Variants in LAMC1 observed in about 807,000 individuals in gnomAD.
The protein encoded by LAMC1 is laminin subunit gamma-1.
In LAMC1, 38 loss-of-function variants were observed where a neutral mutation model predicts 173.6. That is an observed-to-expected ratio of 0.22 (90% confidence interval 0.17 to 0.29). The LOEUF (loss-of-function observed/expected upper bound fraction) is 0.29. Ranked by LOEUF, LAMC1 falls within the 10% of genes least tolerant of loss-of-function variation. The probability of loss-of-function intolerance (pLI) is 1.00; values close to 1 mark genes in which losing one functional copy is unlikely to be tolerated. For missense variants in LAMC1, 1,824 were observed against 2,051.8 expected, an observed-to-expected ratio of 0.89 and a Z score of 2.14; for synonymous variants, 746 against 749.1, an observed-to-expected ratio of 1.00 and a Z score of 0.07.
In LAMC1 at chr1:183,122,170, C is replaced by G; in HGVS notation, c.2320C>G (p.Pro774Ala). 4.3e-6 allele frequency: 7 copies of G among 1,614,192 alleles called. No homozygotes were observed. Among genetic ancestry groups the G allele is most frequent in the Non-Finnish European group, 5.9e-6 (7 of 1,180,036 alleles). ...AGTSSDCQPC[P>A]CPGGSSCAVV... is the part of the protein sequence containing the mutation. Reference sequence around the variant, plus strand: ...CACCTCCTCCGATTGCCAACCCTGTCCGTGTCCTGGAGGTTCAAGTTGTGC... The same window carrying G: ...CACCTCCTCCGATTGCCAACCCTGTGCGTGTCCTGGAGGTTCAAGTTGTGC... Residue 774 changes from proline to alanine, a missense_variant, in exon 13 of 28, where the codon CCG becomes GCG. Pro to Ala is a conservative substitution (Grantham distance 27). Transcript: ENST00000258341.
In LAMC1 at chr1:183,117,442, G is replaced by A. The variant is rs982808931; in HGVS notation, c.1687G>A (p.Ala563Thr). 1 of 1,612,800 alleles carries A rather than the reference G, an allele frequency of 6.2e-7. No homozygotes were observed. Among genetic ancestry groups the A allele is most frequent in the Non-Finnish European group, 8.5e-7 (1 of 1,178,942 alleles). Residue 563 changes from alanine to threonine, a missense_variant and splice_region_variant, in exon 9 of 28, where the codon GCA becomes ACA. Physicochemically the swap from Ala to Thr is moderately conservative, Grantham distance 58. Coordinates refer to ENST00000258341, the MANE Select transcript of LAMC1 (RefSeq NM_002293.4). ...SYFPRYFIAP[A>T]KFLGKQVLSY... is the part of the protein sequence containing the mutation. ...CTTTCCTCGGTACTTCATTGCTCCT[G>A]GTAAGTAAGGCTAGAAAGCAGTCTG... is the stretch of plus-strand genomic sequence containing the variant.
In LAMC1 at chr1:183,140,245, C is replaced by CAAAAAAAAAAAAAAAAAAAAA. The variant is rs56152259; in HGVS notation, c.4474-139_4474-138insAAAAAAAAAAAAAAAAAAAAA. On this transcript the variant is annotated intron_variant, in intron 26 of 27. Coordinates refer to ENST00000258341, the MANE Select transcript of LAMC1 (RefSeq NM_002293.4). ...ATATGAAGATATGCAGCAGCCCCAC[C>CAAAAAAAAAAAAAAAAAAAAA]AAAAAAAAAAAAAAAAAAAAGCAAT... Among the ~76,000 whole-genome samples the CAAAAAAAAAAAAAAAAAAAAA allele has an allele frequency of 5.9e-4, 31 of 52,904 alleles. 3 individuals carry two copies. Among genetic ancestry groups the CAAAAAAAAAAAAAAAAAAAAA allele is most frequent in the African/African-American group, 1.4e-3 (20 of 14,132 alleles). 34.7% of individuals were successfully genotyped at this position (52,904 alleles called of 152,430 possible).
chr1:183,094,787 T>G lies in LAMC1; in HGVS notation c.419-8541T>G, dbSNP rs541263576. 1.6e-4 allele frequency among the ~76,000 whole-genome samples: 24 copies of G among 152,312 alleles called. No homozygotes were observed. The East Asian group carries it at 4.0e-3, about 26-fold the overall frequency. ...GATCAGGGGAATTAGGGACCAAGTT[T>G]ATTAGGAATGAAACTAAAGAATAAA... is the stretch of plus-strand genomic sequence containing the variant. On this transcript the variant is annotated intron_variant, in intron 1 of 27. Transcript: ENST00000258341.
intron 1 of LAMC1, among the ~76,000 whole-genome samples, chr1:183,093,630 C>T (rs141247274): frequency 6.6e-6 from 1 of 152,138 alleles, no homozygotes; most frequent in Non-Finnish European, 1.5e-5. Flanking sequence ...CTTGCTGCAG[C>T]CTTTTCCTGA....
At chr1:183,070,459 A>G (rs1283251205) in intron 1 of LAMC1, among the ~76,000 whole-genome samples, 1 of 152,060 alleles carries the variant, frequency 6.6e-6, no homozygotes, top group Non-Finnish European at 1.5e-5. Flanking sequence ...TGTTCCTGGG[A>G]TACTTCCAGT....
rs147039384 is a variant in LAMC1 at position 183,114,584 on chromosome 1, C to G, written c.1075C>G (p.Arg359Gly). ...QECYFDPELY[R>G]STGHGGHCTN... ...ATGCTACTTCGACCCTGAACTCTAT[C>G]GTTCCACTGGCCATGGGGGCCACTG... Residue 359 changes from arginine to glycine, a missense_variant, in exon 5 of 28, where the codon CGT becomes GGT. Coordinates refer to ENST00000258341, the MANE Select transcript of LAMC1 (RefSeq NM_002293.4). 4.3e-6 allele frequency: 7 copies of G among 1,614,212 alleles called. No homozygotes were observed. Among genetic ancestry groups the G allele is most frequent in the Non-Finnish European group, 5.9e-6 (7 of 1,180,034 alleles).
chr1:183,131,428 G>GGTGTGTGTGTGT lies in LAMC1; in HGVS notation c.3566+71_3566+82dup, dbSNP rs55951405. 6 of 951,834 alleles carry GGTGTGTGTGTGT rather than the reference G, an allele frequency of 6.3e-6. No individual in the cohort carries two copies. The African/African-American group carries it at 1.0e-4, about 17-fold the overall frequency. The allele number at this position is 951,834 out of a possible 1,614,324, so 59.0% of individuals were successfully genotyped here. A position where few individuals can be genotyped will look rare whatever the true frequency, so the allele number is the denominator to read the frequency against. The stretch of plus-strand genomic sequence containing the variant: ...GGTTAAGTTGTGGCTTCTGTTATGG[G>GGTGTGTGTGTGT]GTGTGTGTGTGTGTGTGTGTGTGTG... On this transcript the variant is annotated intron_variant, in intron 20 of 27. Coordinates refer to ENST00000258341, the MANE Select transcript of LAMC1 (RefSeq NM_002293.4).
chr1:183,065,324 T>C (rs895285793), intron 1 of LAMC1, among the ~76,000 whole-genome samples: 1 of 152,180 alleles, frequency 6.6e-6, no homozygotes, highest in Non-Finnish European at 1.5e-5. Context: ...AGTAATTGAC[T>C]TATGTGATTG....
intron 1 of LAMC1, among the ~76,000 whole-genome samples, chr1:183,077,976 TCTTATCC>T (rs1246612082): frequency 3.3e-5 from 5 of 151,938 alleles, no homozygotes. Context: ...ATTATATTTT[TCTTATCC>T]CTTAAAAGTT....
chr1:183,136,434 T>A lies in LAMC1; in HGVS notation c.4163T>A (p.Leu1388Gln), dbSNP rs1571466561. The A allele has an allele frequency of 6.2e-7, 1 of 1,614,172 alleles. No individual in the cohort carries two copies. Among genetic ancestry groups the A allele is most frequent in the South Asian group, 1.1e-5 (1 of 91,084 alleles). ...NDNKTAAEEA[L>Q]RKIPAINQTI... ...AACAAGACGGCCGCAGAGGAGGCACTAAGGAAGATTCCTGCCATCAACCAG... is the reference window on the plus strand; with the variant it reads ...AACAAGACGGCCGCAGAGGAGGCACAAAGGAAGATTCCTGCCATCAACCAG... Residue 1388 changes from leucine to glutamine, a missense_variant, in exon 25 of 28, where the codon CTA (leucine) becomes CAA (glutamine). By Grantham distance (113) the Leu-to-Gln change is moderately radical. Transcript: ENST00000258341.
intron 17 of LAMC1, among the ~76,000 whole-genome samples, 156 bp downstream of exon 17, chr1:183,127,560 AAAT>A (rs1656656288): frequency 1.3e-5 from 2 of 152,244 alleles, no homozygotes; most frequent in South Asian, 4.1e-4. Flanking sequence ...AATAAAAAAT[AAAT>A]AAATAAACAA....
intron 24 of LAMC1, 82 bp from the exon 25 acceptor site, chr1:183,136,304 A>C: frequency 8.0e-7 from 1 of 1,248,448 alleles, no homozygotes; most frequent in African/African-American, 1.5e-5. Flanking sequence ...TTCATAAAAC[A>C]AAATCCAGTT....
chr1:183,088,924 G>A (rs1655500354), intron 1 of LAMC1, among the ~76,000 whole-genome samples: 1 of 152,222 alleles, frequency 6.6e-6, no homozygotes. Context: ...AGAAAATGAA[G>A]CACAATTGTC....
At chr1:183,128,473 A>T (rs199589495) in intron 17 of LAMC1, 121 bp from the exon 18 acceptor site, 1,923 of 133,232 alleles carry the variant, frequency 0.014, no homozygotes, top group South Asian at 0.031. Flanking sequence ...TAATAATTAA[A>T]AAAAAAAAAA....
intron 1 of LAMC1, among the ~76,000 whole-genome samples, chr1:183,049,274 C>G (rs911067459): frequency 2.0e-5 from 3 of 152,116 alleles, no homozygotes; most frequent in African/African-American, 7.2e-5. Flanking sequence ...AATGGAAAGA[C>G]TTTAATACTG....
chr1:183,141,523 T>C (rs940726648), intron 27 of LAMC1, among the ~76,000 whole-genome samples: 1 of 152,204 alleles, frequency 6.6e-6, no homozygotes, highest in Non-Finnish European at 1.5e-5. Flanking sequence ...TTAGGACAGA[T>C]GCACTTTTGT....
rs763417582 is a variant in LAMC1, at chr1:183,103,567, G to A, written c.658G>A (p.Val220Met). Residue 220 changes from valine (V) to methionine (M), a missense_variant, in exon 2 of 28, where the codon GTG becomes ATG. Transcript: ENST00000258341. The stretch of plus-strand genomic sequence containing the variant: ...CATTTCTCCCCTCACTGGGGGCAAC[G>A]TGGCCTTTTCTACCCTGGAAGGAAG... ...SDISPLTGGN[V>M]AFSTLEGRPS... The A allele has an allele frequency of 1.2e-6, 2 of 1,611,750 alleles. No individual in the cohort carries two copies. Among genetic ancestry groups the A allele is most frequent in the Non-Finnish European group, 1.7e-6 (2 of 1,178,620 alleles).
In LAMC1 at chr1:183,080,413, G is replaced by A. The variant is rs567822785; in HGVS notation, c.419-22915G>A. On this transcript the variant is annotated intron_variant, in intron 1 of 27. Coordinates refer to ENST00000258341, the MANE Select transcript of LAMC1 (RefSeq NM_002293.4). ...GCAAAACTTGGAGATGTGGACACTA[G>A]TTTTAGCTGCAGCTTCTGAAGTGGC... Among the ~76,000 whole-genome samples, 123 of 152,312 alleles carry A rather than the reference G, an allele frequency of 8.1e-4. 1 individual carries two copies. The highest frequency in any genetic ancestry group is 2.4e-3 in the Admixed American group (37 of 15,300).
chr1:183,110,462 T>C, intron 3 of LAMC1, 26 bp from the exon 4 acceptor site: 1 of 1,576,104 alleles, frequency 6.3e-7, no homozygotes. Flanking sequence ...CTGTTCCATT[T>C]TTTGGAGTAT....
Sources: allele counts gnomAD v4.1 joint callset (sites outside exome capture counted in the v4.1 genomes callset), GRCh38; gene constraint gnomAD v4.1.1; transcripts MANE v1.5; gene names NCBI Gene and HGNC (gene_info 2026-07-23, HGNC 2026-07-21).